PINK1: variants seen among roughly 807,000 people sequenced by gnomAD.
PINK1 encodes serine/threonine-protein kinase PINK1, mitochondrial.
Under a neutral mutation model 56.0 loss-of-function variants are expected in PINK1, and 58 were observed. That is an observed-to-expected ratio of 1.04 (90% confidence interval 0.84 to 1.29). The LOEUF (loss-of-function observed/expected upper bound fraction) is 1.29. PINK1 is among the 50% of genes most tolerant of loss of function. The pLI, the probability that PINK1 is intolerant of heterozygous loss-of-function variation, is 0.00. For synonymous variants in PINK1, 354 were observed against 339.3 expected (o/e 1.04, Z -0.48); for missense variants, 745 against 777.9 (o/e 0.96, Z 0.50).
rs1281044787 is a variant in PINK1 at position 20,633,746 on chromosome 1, T to C, written c.198T>C (p.Arg66=). Residue 66 remains arginine, a synonymous_variant, in exon 1 of 8, where the codon CGT becomes CGC. Transcript: ENST00000321556. The part of the protein sequence containing the change: ...PRRVGLGLPN[R]LRFFRQSVAG... ...GGGTCGGGCTCGGGCTCCCTAACCG[T>C]CTCCGCTTCTTCCGCCAGTCGGTGG... The C allele has an allele frequency of 1.9e-6, 3 of 1,542,240 alleles. No individual in the cohort carries two copies. In the African/African-American group the frequency reaches 4.1e-5, roughly 21 times the overall value.
At position 20,637,843 on chromosome 1, in the gene PINK1, C is replaced by G; in HGVS notation, c.389C>G (p.Ala130Gly). Residue 130 changes from alanine to glycine, a missense_variant and splice_region_variant, in exon 2 of 8, where the codon GCA becomes GGA. Ala to Gly is a moderately conservative substitution (Grantham distance 60). Coordinates refer to ENST00000321556, the MANE Select transcript of PINK1 (RefSeq NM_032409.3). ...RAVSACQEIQAIFTQKSKPGP... is the reference protein window; with the variant it reads ...RAVSACQEIQGIFTQKSKPGP... ...CGGTGCATTCTTTTCTCATCACAGG[C>G]AATTTTTACCCAGAAAAGCAAGCCG... 1.2e-6 allele frequency: 2 copies of G among 1,613,994 alleles called. No homozygotes were observed. Among genetic ancestry groups the G allele is most frequent in the Non-Finnish European group, 1.7e-6 (2 of 1,180,034 alleles).
At position 20,650,443 on chromosome 1, in the gene PINK1, G is replaced by A; in HGVS notation, c.1498G>A (p.Ala500Thr). 2 of 1,613,930 alleles carry A rather than the reference G, an allele frequency of 1.2e-6. No individual in the cohort carries two copies. The highest frequency in any genetic ancestry group is 1.1e-5 in the South Asian group (1 of 91,066). ...TCCCTTCCTGTTGCAGAGACCATCTGCCCGAGTAGCCGCAAATGTGCTTCA... is the reference window on the plus strand; with the variant it reads ...TCCCTTCCTGTTGCAGAGACCATCTACCCGAGTAGCCGCAAATGTGCTTCA... The part of the protein sequence containing the change: ...LQREASKRPS[A>T]RVAANVLHLS... Residue 500 changes from alanine (A) to threonine (T), a missense_variant, in exon 8 of 8, where the codon GCC becomes ACC. Ala to Thr is a moderately conservative substitution (Grantham distance 58, BLOSUM62 0). Coordinates refer to ENST00000321556, the MANE Select transcript of PINK1 (RefSeq NM_032409.3).
intron 5 of PINK1, 129 bp from the exon 6 acceptor site, chr1:20,648,373 ACCT>A (rs1490715203): frequency 7.3e-7 from 1 of 1,372,994 alleles, no homozygotes; most frequent in African/African-American, 1.4e-5. Context: ...GGCCTTGCTG[ACCT>A]CCTGGGCCAA....
chr1:20,636,355 T>C (rs2053056745), intron 1 of PINK1, among the ~76,000 whole-genome samples: 1 of 151,770 alleles, frequency 6.6e-6, no homozygotes. Context: ...TTTTCCTTTT[T>C]TTTTTTTGAT....
rs747239996 is a variant in PINK1, at chr1:20,648,593, C to G, written c.1212C>G (p.Tyr404Ter). 5 of 1,614,120 alleles carry G rather than the reference C, an allele frequency of 3.1e-6. No individual in the cohort carries two copies. Among genetic ancestry groups the G allele is most frequent in the East Asian group, 2.2e-5 (1 of 44,886 alleles). The stretch of plus-strand genomic sequence containing the variant: ...TGCAGTTGCCCTTCAGCAGCTGGTA[C>G]GTGGATCGGGGCGGAAACGGCTGTC... ...IGLQLPFSSW[Y>*]VDRGGNGCLM... Residue 404 changes from tyrosine (Y) to a stop codon, truncating the protein, a stop_gained, in exon 6 of 8, where the codon TAC becomes TAG. Coordinates refer to ENST00000321556, the MANE Select transcript of PINK1 (RefSeq NM_032409.3). LOFTEE classifies it high-confidence loss of function.
chr1:20,649,658 G>A (rs1296230494), intron 7 of PINK1: 5 of 209,152 alleles, frequency 2.4e-5, no homozygotes, highest in Admixed American at 5.3e-5. Flanking sequence ...CCAGGTACTC[G>A]GGAGGCTGAA....
chr1:20,644,553 C>T lies in PINK1; in HGVS notation c.840C>T (p.Ala280=). ...CCAACATCATCCGGGTTCTCCGCGC[C>T]TTCACCTCTTCCGTGCCGCTGCTGC... ...PHPNIIRVLR[A]FTSSVPLLPG... Residue 280 remains alanine (A), a synonymous_variant, in exon 4 of 8, where the codon GCC becomes GCT. Transcript: ENST00000321556. 6.2e-7 allele frequency: 1 copy of T among 1,614,260 alleles called. No individual in the cohort carries two copies. The highest frequency in any genetic ancestry group is 8.5e-7 in the Non-Finnish European group (1 of 1,180,048).
At chr1:20,637,764 C>G in intron 1 of PINK1, 78 bp from the exon 2 acceptor site, 1 of 1,548,648 alleles carries the variant, frequency 6.5e-7, no homozygotes. Context: ...TGCTGCACCT[C>G]TCTCTGCCTC....
rs1262844835 is a variant in PINK1 at position 20,638,087 on chromosome 1, C to T, written c.633C>T (p.Ala211=). Residue 211 remains alanine (A), a synonymous_variant, in exon 2 of 8, where the codon GCC becomes GCT. Transcript: ENST00000321556. ...AAGGGCAGGAGCGAGCTCCGGGGGCCCCTGCCTTCCCCTTGGCCATCAAGA... is the reference window on the plus strand; with the variant it reads ...AAGGGCAGGAGCGAGCTCCGGGGGCTCCTGCCTTCCCCTTGGCCATCAAGA... ...PGEGQERAPG[A]PAFPLAIKMM... The T allele has an allele frequency of 1.2e-6, 2 of 1,613,770 alleles. No individual in the cohort carries two copies. The highest frequency in any genetic ancestry group is 1.7e-6 in the Non-Finnish European group (2 of 1,180,002).
In PINK1 at chr1:20,641,287, C is replaced by A. The variant is rs996916890; in HGVS notation, c.776+1295C>A. 2.6e-5 allele frequency among the ~76,000 whole-genome samples: 4 copies of A among 152,106 alleles called. No homozygotes were observed. Among genetic ancestry groups the A allele is most frequent in the South Asian group, 2.1e-4 (1 of 4,824 alleles). On this transcript the variant is annotated intron_variant, in intron 3 of 7. Transcript: ENST00000321556. This position sits in a 1 kb window ranked among gnomAD's most constrained non-coding sequence, Gnocchi z 4.0. ...GAGGCCTTTTTGGAGAAAGTGGACA[C>A]CTGAATGTCAGCTGCTTTGGGGCTA...
chr1:20,639,868 C>T (rs1426761695), intron 2 of PINK1, 24 bp from the exon 3 acceptor site: 1 of 1,602,220 alleles, frequency 6.2e-7, no homozygotes, highest in South Asian at 1.1e-5. Flanking sequence ...CTGTGTAACC[C>T]TGGGTTCCTT....
At chr1:20,636,278 T>C (rs1027989611) in intron 1 of PINK1, among the ~76,000 whole-genome samples, 7 of 150,802 alleles carry the variant, frequency 4.6e-5, no homozygotes, top group African/African-American at 1.7e-4. Context: ...TAATAGTATA[T>C]AGTATATTTT....
At chr1:20,648,729 A>G in intron 6 of PINK1, 97 bp downstream of exon 6, 1 of 1,554,090 alleles carries the variant, frequency 6.4e-7, no homozygotes, top group South Asian at 1.2e-5. Flanking sequence ...CAACACCTCC[A>G]TCTTTTCTGA....
chr1:20,649,273 A>G (rs773594280), intron 7 of PINK1, 42 bp downstream of exon 7: 1 of 1,597,428 alleles, frequency 6.3e-7, no homozygotes, highest in Non-Finnish European at 8.6e-7. Context: ...GTGGGTAGAA[A>G]CCTCTGTTCT....
At position 20,651,285 on chromosome 1, in the gene PINK1, T is replaced by C. The variant is rs2053271110; in HGVS notation, c.*594T>C. On this transcript the variant is annotated 3_prime_UTR_variant, in exon 8 of 8. Transcript: ENST00000321556. ...TCCTGACTAGCCTCTCTTACAGGAA[T>C]TGTGAAATATTAAATGCAAATTTAC... 6.1e-6 allele frequency: 1 copy of C among 163,122 alleles called. No individual in the cohort carries two copies. Among genetic ancestry groups the C allele is most frequent in the African/African-American group, 2.4e-5 (1 of 41,800 alleles). The allele number at this position is 163,122 out of a possible 1,614,324, so 10.1% of individuals were successfully genotyped here.
Position 20,648,651 on chromosome 1 carries a change from A to G in PINK1, c.1251+19A>G, listed in dbSNP as rs758065542. ...CCCAGAGGTGAGTCCCGAGTGTGTC[A>G]TGCGCCATCGGCAGCCCTTCCCCCA... On this transcript the variant is annotated intron_variant, in intron 6 of 7. Transcript: ENST00000321556. 28 of 1,612,870 alleles carry G rather than the reference A, an allele frequency of 1.7e-5. No homozygotes were observed. The highest frequency in any genetic ancestry group is 2.3e-5 in the Non-Finnish European group (27 of 1,180,006).
At position 20,633,875 on chromosome 1, in the gene PINK1, C is replaced by T. The variant is rs2053021199; in HGVS notation, c.327C>T (p.Gly109=). Residue 109 remains glycine, a synonymous_variant, in exon 1 of 8, where the codon GGC becomes GGT. Coordinates refer to ENST00000321556, the MANE Select transcript of PINK1 (RefSeq NM_032409.3). ...AVFLAFGLGL[G]LIEEKQAESR... ...TTCTGGCCTTCGGGCTAGGGCTGGG[C>T]CTCATCGAGGAAAAACAGGCGGAGA... The T allele has an allele frequency of 6.3e-7, 1 of 1,580,684 alleles. No homozygotes were observed.
At chr1:20,647,669 C>T (rs947246362) in intron 5 of PINK1, among the ~76,000 whole-genome samples, 1 of 151,746 alleles carries the variant, frequency 6.6e-6, no homozygotes. Flanking sequence ...CGGGGTTTCA[C>T]CATGTTGGTC....
chr1:20,642,221 C>G (rs893915721), intron 3 of PINK1, among the ~76,000 whole-genome samples: 1 of 152,202 alleles, frequency 6.6e-6, no homozygotes, highest in Non-Finnish European at 1.5e-5. Context: ...TGTTATGCAG[C>G]AAAGGGGGCT....
Sources: allele counts gnomAD v4.1 joint callset (sites outside exome capture counted in the v4.1 genomes callset), GRCh38; gene constraint gnomAD v4.1.1; non-coding constraint Gnocchi (gnomAD v3.1); transcripts MANE v1.5; gene names NCBI Gene and HGNC (gene_info 2026-07-23, HGNC 2026-07-21).